The following SPRN variants were observed in gnomAD, a reference collection of about 807,000 sequenced individuals.
SPRN encodes shadow of prion protein.
For missense variants in SPRN, 312 were observed against 241.4 expected, an observed-to-expected ratio of 1.29 and a Z score of -1.94; for synonymous variants, 182 against 123.4, an observed-to-expected ratio of 1.48 and a Z score of -3.15.
Position 133,422,650 on chromosome 10 carries a change from C to CA in SPRN, c.*575_*576insT, listed in dbSNP as rs1422984891. 6.6e-6 allele frequency: 1 copy of CA among 152,336 alleles called. No individual in the cohort carries two copies. Among genetic ancestry groups the CA allele is most frequent in the Non-Finnish European group, 1.5e-5 (1 of 68,148 alleles). The allele number at this position is 152,336 out of a possible 1,614,324, so 9.4% of individuals were successfully genotyped here. ...AGAGCCAGGATGGACGTTCCTCGGA[C>CA]GGACGGTTTTCCTGCTTGGGAATGT... On this transcript the variant is annotated 3_prime_UTR_variant, in exon 2 of 2. Transcript: ENST00000685335.
intron 1 of SPRN, among the ~76,000 whole-genome samples, chr10:133,424,270 C>G (rs1464443669): frequency 7.9e-6 from 1 of 127,336 alleles, no homozygotes; most frequent in Non-Finnish European, 1.6e-5. Flanking sequence ...CCCAGCAGAC[C>G]CGTGCCCCAG....
chr10:133,423,548 C>T lies in SPRN; in HGVS notation c.134G>A (p.Gly45Glu), dbSNP rs747978027. The change falls in exon 2 of 2, where the codon GGG becomes GAG. Residue 45 changes from glycine (G) to glutamate (E), a missense_variant. Gly to Glu is a moderately conservative substitution (Grantham distance 98). Transcript: ENST00000685335. ...CGGCCTCACGCGCACCCTCGAGGCC[C>T]CGCGCGCACCCCCGCGGACCCCTCC... Reference protein sequence around the residue: ...ARGGVRGGARGASRVRVRPAQ... With the variant: ...ARGGVRGGAREASRVRVRPAQ... 4 of 1,265,824 alleles carry T rather than the reference C, an allele frequency of 3.2e-6. No individual in the cohort carries two copies. The highest frequency in any genetic ancestry group is 2.7e-5 in the South Asian group (1 of 36,878). 78.4% of individuals were successfully genotyped at this position (1,265,824 alleles called of 1,614,324 possible).
rs1378440692 is a variant in SPRN, at chr10:133,423,603, C to T, written c.79G>A (p.Gly27Ser). The T allele has an allele frequency of 1.3e-6, 2 of 1,515,628 alleles. No individual in the cohort carries two copies. The highest frequency in any genetic ancestry group is 5.3e-5 in the East Asian group (2 of 37,864). 93.9% of individuals were successfully genotyped at this position (1,515,628 alleles called of 1,614,324 possible). A position where few individuals can be genotyped will look rare whatever the true frequency, so the allele number is the denominator to read the frequency against. Residue 27 changes from glycine (G) to serine (S), a missense_variant, in exon 2 of 2, where the codon GGC (glycine) becomes AGC (serine). Gly to Ser is a moderately conservative substitution (Grantham distance 56, BLOSUM62 0). Transcript: ENST00000685335. ...GCACTGCCCCGCGCACCTCCGCGGC[C>T]GCCCTTGGCTGCGCCGCTGTCGCAG... Reference protein sequence around the residue: ...FLCDSGAAKGGRGGARGSARG... With the variant: ...FLCDSGAAKGSRGGARGSARG...
Position 133,423,164 on chromosome 10 carries a change from C to T in SPRN, c.*62G>A, listed in dbSNP as rs903613982. 1.3e-4 allele frequency: 176 copies of T among 1,350,696 alleles called. No homozygotes were observed. Among genetic ancestry groups the T allele is most frequent in the Non-Finnish European group, 1.6e-4 (167 of 1,041,690 alleles). 83.7% of individuals were successfully genotyped at this position (1,350,696 alleles called of 1,614,324 possible). A position where few individuals can be genotyped will look rare whatever the true frequency, so the allele number is the denominator to read the frequency against. On this transcript the variant is annotated 3_prime_UTR_variant, in exon 2 of 2. Coordinates refer to ENST00000685335, the MANE Select transcript of SPRN (RefSeq NM_001391974.1). Reference sequence around the variant, plus strand: ...CAAGGGAGGAAGGGGGAGCCCAGGCCGGAGGATCCTGGGGGATGGCGCGGG... The same window carrying T: ...CAAGGGAGGAAGGGGGAGCCCAGGCTGGAGGATCCTGGGGGATGGCGCGGG...
chr10:133,423,764 A>G, intron 1 of SPRN, 67 bp from the exon 2 acceptor site: 2 of 1,145,222 alleles, frequency 1.7e-6, no homozygotes, highest in Non-Finnish European at 2.4e-6. Context: ...CGGAGGGCTC[A>G]AGGCTGGAGA....
At position 133,423,041 on chromosome 10, in the gene SPRN, G is replaced by T; in HGVS notation, c.*185C>A. On this transcript the variant is annotated 3_prime_UTR_variant, in exon 2 of 2. Coordinates refer to ENST00000685335, the MANE Select transcript of SPRN (RefSeq NM_001391974.1). The stretch of plus-strand genomic sequence containing the variant: ...AGGGCCCATGGTCTCCTCTAGGTGG[G>T]AGGTGGCAGGCTGAGGCGGCGTGGG... The T allele has an allele frequency of 1.6e-6, 1 of 608,836 alleles. No homozygotes were observed. The highest frequency in any genetic ancestry group is 3.1e-5 in the Admixed American group (1 of 32,698). 37.7% of individuals were successfully genotyped at this position (608,836 alleles called of 1,614,324 possible).
Position 133,423,637 on chromosome 10 carries a change from G to T in SPRN, c.45C>A (p.Ala15=). The change falls in exon 2 of 2, where the codon GCC becomes GCA. Residue 15 remains alanine, a synonymous_variant. Transcript: ENST00000685335. ...CTGCGCCGCTGTCGCAGAGGAAGGC[G>T]GCCGCCAGTAGCAGAGCCCAGCACG... ...PATCWALLLA[A]AFLCDSGAAK... 5.7e-6 allele frequency: 9 copies of T among 1,572,264 alleles called. No individual in the cohort carries two copies. Among genetic ancestry groups the T allele is most frequent in the African/African-American group, 1.4e-5 (1 of 73,134 alleles).
At chr10:133,423,931 G>C (rs1850310834) in intron 1 of SPRN, among the ~76,000 whole-genome samples, 1 of 151,834 alleles carries the variant, frequency 6.6e-6, no homozygotes, top group South Asian at 2.1e-4. Flanking sequence ...TTCTGCACCT[G>C]AAGGTTGTGC....
rs1850282393 is a variant in SPRN, at chr10:133,423,054, G to C, written c.*172C>G. On this transcript the variant is annotated 3_prime_UTR_variant, in exon 2 of 2. Coordinates refer to ENST00000685335, the MANE Select transcript of SPRN (RefSeq NM_001391974.1). ...TCCTCTAGGTGGGAGGTGGCAGGCT[G>C]AGGCGGCGTGGGCAGGACGGTGGAT... The C allele has an allele frequency of 1.5e-6, 1 of 676,288 alleles. No homozygotes were observed. The highest frequency in any genetic ancestry group is 2.4e-6 in the Non-Finnish European group (1 of 419,428). 41.9% of individuals were successfully genotyped at this position (676,288 alleles called of 1,614,324 possible).
rs1246629549 is a variant in SPRN at position 133,421,341 on chromosome 10, G to T, written c.*1885C>A. On this transcript the variant is annotated 3_prime_UTR_variant, in exon 2 of 2. Coordinates refer to ENST00000685335, the MANE Select transcript of SPRN (RefSeq NM_001391974.1). ...GATCACGAAGTGTCCATCATAACTG[G>T]AACATTCCATCAGCTTGCAGTGCTG... The T allele has an allele frequency of 6.5e-6, 1 of 153,424 alleles. No homozygotes were observed. 9.5% of individuals were successfully genotyped at this position (153,424 alleles called of 1,614,324 possible). A position where few individuals can be genotyped will look rare whatever the true frequency, so the allele number is the denominator to read the frequency against.
chr10:133,423,530 AC>A lies in SPRN; in HGVS notation c.151del (p.Val51Ter). The A allele has an allele frequency of 8.3e-7, 1 of 1,207,974 alleles. No individual in the cohort carries two copies. The highest frequency in any genetic ancestry group is 1.0e-6 in the Non-Finnish European group (1 of 974,588). The allele number at this position is 1,207,974 out of a possible 1,614,324, so 74.8% of individuals were successfully genotyped here. On this transcript the variant is annotated frameshift_variant, in exon 2 of 2. Coordinates refer to ENST00000685335, the MANE Select transcript of SPRN (RefSeq NM_001391974.1). LOFTEE classifies it low-confidence loss of function (END_TRUNC). ...GGCACCGTAGCGCTGCGCCGGCCTCACGCGCACCCTCGAGGCCCCGCGCGCA... is the reference window on the plus strand; with the variant it reads ...GGCACCGTAGCGCTGCGCCGGCCTCAGCGCACCCTCGAGGCCCCGCGCGCA... ...GGARGASRVR[V>X]RPAQRYGAPG...
At position 133,423,472 on chromosome 10, in the gene SPRN, C is replaced by T. The variant is rs1850297916; in HGVS notation, c.210G>A (p.Gly70=). The T allele has an allele frequency of 8.6e-7, 1 of 1,165,024 alleles. No homozygotes were observed. The highest frequency in any genetic ancestry group is 1.1e-6 in the Non-Finnish European group (1 of 949,086). The allele number at this position is 1,165,024 out of a possible 1,614,324, so 72.2% of individuals were successfully genotyped here. The part of the protein sequence containing the change: ...PGSSLRVAAA[G]AAAGAAAGAA... Reference sequence around the variant, plus strand: ...CTCCCGCCGCCGCCCCGGCTGCCGCCCCGGCGGCAGCCACGCGCAGGGAGG... The same window carrying T: ...CTCCCGCCGCCGCCCCGGCTGCCGCTCCGGCGGCAGCCACGCGCAGGGAGG... Residue 70 remains glycine, a synonymous_variant, in exon 2 of 2, where the codon GGG becomes GGA. Transcript: ENST00000685335.
At position 133,423,439 on chromosome 10, in the gene SPRN, C is replaced by G. The variant is rs867004610; in HGVS notation, c.243G>C (p.Ala81=). The G allele has an allele frequency of 3.9e-6, 5 of 1,269,752 alleles. No individual in the cohort carries two copies. The highest frequency in any genetic ancestry group is 4.0e-6 in the Non-Finnish European group (4 of 1,011,976). 78.7% of individuals were successfully genotyped at this position (1,269,752 alleles called of 1,614,324 possible). A position where few individuals can be genotyped will look rare whatever the true frequency, so the allele number is the denominator to read the frequency against. ...AAAGAAAGAA[A]GLAAGSGWRR... ...TCCAGCCCGAGCCCGCCGCCAGGCC[C>G]GCGGCCGCTCCCGCCGCCGCCCCGG... The change falls in exon 2 of 2, where the codon GCG becomes GCC. Residue 81 remains alanine (A), a synonymous_variant. Coordinates refer to ENST00000685335, the MANE Select transcript of SPRN (RefSeq NM_001391974.1).
chr10:133,423,357 C>A lies in SPRN; in HGVS notation c.325G>T (p.Gly109Ter). Reference protein sequence around the residue: ...GLEDEEDGVPGGNGTGPGIYS... With the variant: ...GLEDEEDGVP ...ATGCCGGGGCCTGTCCCGTTGCCTC[C>A]GGGCACCCCGTCCTCCTCGTCCTCC... The change falls in exon 2 of 2, where the codon GGA becomes TGA. Residue 109 changes from glycine to a stop codon, truncating the protein, a stop_gained. Coordinates refer to ENST00000685335, the MANE Select transcript of SPRN (RefSeq NM_001391974.1). LOFTEE classifies it low-confidence loss of function (END_TRUNC). 1 of 1,514,716 alleles carries A rather than the reference C, an allele frequency of 6.6e-7. No homozygotes were observed. The highest frequency in any genetic ancestry group is 8.8e-7 in the Non-Finnish European group (1 of 1,136,828). The allele number at this position is 1,514,716 out of a possible 1,614,324, so 93.8% of individuals were successfully genotyped here.
rs1564826309 is a variant in SPRN at position 133,423,436 on chromosome 10, G to A, written c.246C>T (p.Gly82=). ...AAGAAAGAAA[G]LAAGSGWRRA... ...TTCTCCAGCCCGAGCCCGCCGCCAG[G>A]CCCGCGGCCGCTCCCGCCGCCGCCC... is the stretch of plus-strand genomic sequence containing the variant. Residue 82 remains glycine (G), a synonymous_variant, in exon 2 of 2, where the codon GGC becomes GGT. Transcript: ENST00000685335. 7.8e-6 allele frequency: 10 copies of A among 1,277,456 alleles called. No homozygotes were observed. The highest frequency in any genetic ancestry group is 9.8e-6 in the Non-Finnish European group (10 of 1,015,736). The allele number at this position is 1,277,456 out of a possible 1,614,324, so 79.1% of individuals were successfully genotyped here. A position where few individuals can be genotyped will look rare whatever the true frequency, so the allele number is the denominator to read the frequency against.
At position 133,420,721 on chromosome 10, in the gene SPRN, A is replaced by T. The variant is rs1205614975; in HGVS notation, c.*2505T>A. On this transcript the variant is annotated 3_prime_UTR_variant, in exon 2 of 2. Transcript: ENST00000685335. ...AGGCACACACAGACACAGACCAGAG[A>T]CTCCCAGCAGCAGAGCCCAAGCACT... The T allele has an allele frequency of 6.6e-6, 1 of 152,658 alleles. No homozygotes were observed. Among genetic ancestry groups the T allele is most frequent in the East Asian group, 1.9e-4 (1 of 5,206 alleles). 9.5% of individuals were successfully genotyped at this position (152,658 alleles called of 1,614,324 possible).
Position 133,423,458 on chromosome 10 carries a change from G to A in SPRN, c.224C>T (p.Ala75Val). The A allele has an allele frequency of 8.5e-7, 1 of 1,178,630 alleles. No homozygotes were observed. Among genetic ancestry groups the A allele is most frequent in the Non-Finnish European group, 1.0e-6 (1 of 963,170 alleles). 73.0% of individuals were successfully genotyped at this position (1,178,630 alleles called of 1,614,324 possible). A position where few individuals can be genotyped will look rare whatever the true frequency, so the allele number is the denominator to read the frequency against. Reference sequence around the variant, plus strand: ...CAGGCCCGCGGCCGCTCCCGCCGCCGCCCCGGCTGCCGCCCCGGCGGCAGC... The same window carrying A: ...CAGGCCCGCGGCCGCTCCCGCCGCCACCCCGGCTGCCGCCCCGGCGGCAGC... ...RVAAAGAAAG[A>V]AAGAAAGLAA... Residue 75 changes from alanine (A) to valine (V), a missense_variant, in exon 2 of 2, where the codon GCG becomes GTG. By Grantham distance (64) the Ala-to-Val change is moderately conservative (BLOSUM62 0). Coordinates refer to ENST00000685335, the MANE Select transcript of SPRN (RefSeq NM_001391974.1).
Position 133,423,593 on chromosome 10 carries a change from C to A in SPRN, c.89G>T (p.Gly30Val). Residue 30 changes from glycine (G) to valine (V), a missense_variant, in exon 2 of 2, where the codon GGT becomes GTT. By Grantham distance (109) the Gly-to-Val change is moderately radical. Coordinates refer to ENST00000685335, the MANE Select transcript of SPRN (RefSeq NM_001391974.1). ...CCCTCCCCGGGCACTGCCCCGCGCA[C>A]CTCCGCGGCCGCCCTTGGCTGCGCC... ...DSGAAKGGRGGARGSARGGVR... is the reference protein window; with the variant it reads ...DSGAAKGGRGVARGSARGGVR... 6.7e-7 allele frequency: 1 copy of A among 1,498,994 alleles called. No individual in the cohort carries two copies. Among genetic ancestry groups the A allele is most frequent in the East Asian group, 2.7e-5 (1 of 37,326 alleles). The allele number at this position is 1,498,994 out of a possible 1,614,324, so 92.9% of individuals were successfully genotyped here. A position where few individuals can be genotyped will look rare whatever the true frequency, so the allele number is the denominator to read the frequency against.
At position 133,423,364 on chromosome 10, in the gene SPRN, C is replaced by G; in HGVS notation, c.318G>C (p.Gly106=). ...GGCCTGTCCCGTTGCCTCCGGGCAC[C>G]CCGTCCTCCTCGTCCTCCAGGCCGC... ...GERGLEDEED[G]VPGGNGTGPG... Residue 106 remains glycine (G), a synonymous_variant, in exon 2 of 2, where the codon GGG becomes GGC. Coordinates refer to ENST00000685335, the MANE Select transcript of SPRN (RefSeq NM_001391974.1). The G allele has an allele frequency of 1.3e-6, 2 of 1,512,546 alleles. No homozygotes were observed. The highest frequency in any genetic ancestry group is 1.8e-6 in the Non-Finnish European group (2 of 1,135,804). 93.7% of individuals were successfully genotyped at this position (1,512,546 alleles called of 1,614,324 possible). A position where few individuals can be genotyped will look rare whatever the true frequency, so the allele number is the denominator to read the frequency against.
Sources: gnomAD v4.1 joint callset for allele counts (sites outside exome capture counted in the v4.1 genomes callset) on GRCh38, gnomAD v4.1.1 for gene constraint, MANE v1.5 for transcripts, NCBI Gene and HGNC (gene_info 2026-07-23, HGNC 2026-07-21) for gene names.